The following MYO15B variants were observed in gnomAD, a reference collection of about 807,000 sequenced individuals.
MYO15B encodes myosin XVB.
MYO15B carries 207 observed loss-of-function variants against 119.3 expected under a neutral mutation model. The ratio of observed to expected loss-of-function variants is 1.73; its 90% CI spans 1.55 to 1.95. The LOEUF is 1.95. Ranked by LOEUF, MYO15B falls within the 30% of genes most tolerant of loss-of-function variation. The pLI is 0.00. For missense variants in MYO15B, 2,264 were observed against 1,203.1 expected (o/e 1.88, Z -13.04); for synonymous variants, 966 against 498.9 (o/e 1.94, Z -12.48).
chr17:75,611,611 G>A (rs1452942646), exon 24 of MYO15B: 18 of 702,650 alleles, frequency 2.6e-5, no homozygotes, highest in East Asian at 8.0e-5. Context: ...GAGCTGGGGC[G>A]CTTGGAGATC....
chr17:75,609,054 C>T lies in MYO15B; in HGVS notation c.4293-1112C>T, dbSNP rs550295858. On this transcript the variant is annotated intron_variant, in intron 21 of 63. Coordinates refer to ENST00000645453, the Ensembl canonical transcript of MYO15B. ...GCCTTTTTTGTATTTTTAGTAGAGA[C>T]GGGGATTCACCGTGTTGGCCAGGCT... is the stretch of plus-strand genomic sequence containing the variant. Among the ~76,000 whole-genome samples, 28 of 151,996 alleles carry T rather than the reference C, an allele frequency of 1.8e-4. 1 individual carries two copies. The highest frequency in any genetic ancestry group is 6.5e-4 in the African/African-American group (27 of 41,460).
exon 21 of MYO15B, chr17:75,605,940 T>A (rs1250264036): frequency 1.4e-6 from 1 of 702,684 alleles, no homozygotes; most frequent in African/African-American, 1.7e-5. Flanking sequence ...CTGGTCGACC[T>A]GCACCGCAGC....
exon 45 of MYO15B, chr17:75,619,476 G>A (rs770855735): frequency 1.0e-5 from 7 of 701,978 alleles, no homozygotes; most frequent in Admixed American, 4.0e-5. Flanking sequence ...TTCCTGTCTC[G>A]GTCAGTGGCG....
At chr17:75,613,448 C>T (rs1026772414) in exon 28 of MYO15B, 8 of 682,702 alleles carry the variant, frequency 1.2e-5, no homozygotes, top group East Asian at 5.4e-5. Flanking sequence ...GGCCGCATGG[C>T]GCTGGATGTG....
At position 75,624,295 on chromosome 17, in the gene MYO15B, G is replaced by A. The variant is rs755384043; in HGVS notation, c.8367+26G>A. 1.3e-5 allele frequency: 9 copies of A among 702,948 alleles called. No homozygotes were observed. The South Asian group carries it at 1.3e-4, about 10-fold the overall frequency. The allele number at this position is 702,948 out of a possible 1,614,324, so 43.5% of individuals were successfully genotyped here. A position where few individuals can be genotyped will look rare whatever the true frequency, so the allele number is the denominator to read the frequency against. On this transcript the variant is annotated intron_variant, in intron 56 of 63. Transcript: ENST00000645453. ...GTACTGGGGGTGGCGGATGGGCATT[G>A]TGGGACACCCTGGGGTGGGGAGTGT...
At chr17:75,605,818 G>C in intron 20 of MYO15B, 46 bp from the exon 21 acceptor site, 1 of 653,542 alleles carries the variant, frequency 1.5e-6, no homozygotes, top group Non-Finnish European at 2.8e-6. Context: ...AGAGCAGGAG[G>C]GGCTGGCTCC....
At chr17:75,611,293 C>T (rs2058012839) in intron 23 of MYO15B, among the ~76,000 whole-genome samples, 1 of 151,916 alleles carries the variant, frequency 6.6e-6, no homozygotes, top group African/African-American at 2.4e-5. Context: ...AAGACCCCAT[C>T]TCTACAAAAA....
intron 14 of MYO15B, among the ~76,000 whole-genome samples, chr17:75,598,108 A>G (rs755692774): frequency 2.0e-5 from 3 of 151,210 alleles, no homozygotes; most frequent in Non-Finnish European, 4.4e-5. Context: ...ATATGGGGCA[A>G]CCCTCCCCCA....
exon 49 of MYO15B, chr17:75,620,583 G>A (rs555929950): frequency 1.3e-4 from 94 of 702,884 alleles, no homozygotes; most frequent in Non-Finnish European, 7.8e-6. Flanking sequence ...CTGGCACAAG[G>A]GTCAGCTGTC....
rs955016028 is a variant in MYO15B, at chr17:75,610,907, GT to G, written c.4396del (p.Trp1466GlyfsTer32). The G allele has an allele frequency of 1.4e-6, 1 of 702,980 alleles. No individual in the cohort carries two copies. The highest frequency in any genetic ancestry group is 2.0e-5 in the Admixed American group (1 of 50,002). 43.5% of individuals were successfully genotyped at this position (702,980 alleles called of 1,614,324 possible). On this transcript the variant is annotated frameshift_variant, in exon 23 of 64. Transcript: ENST00000645453. LOFTEE classifies it high-confidence loss of function. Reference sequence around the variant, plus strand: ...CCACATCTCTTCCAACAGCTTGGGCGTTGGCAGGGCTGGCATAGCAGCGAAA... The same window carrying G: ...CCACATCTCTTCCAACAGCTTGGGCGTGGCAGGGCTGGCATAGCAGCGAAA...
At chr17:75,623,631 T>G in intron 53 of MYO15B, 150 bp from the exon 54 acceptor site, 1 of 616,298 alleles carries the variant, frequency 1.6e-6, no homozygotes, top group Non-Finnish European at 2.9e-6. Context: ...GCGAAGAAAG[T>G]AACTGAGTAG....
intron 15 of MYO15B, among the ~76,000 whole-genome samples, chr17:75,602,148 C>A (rs1222408083): frequency 6.6e-6 from 1 of 152,180 alleles, no homozygotes; most frequent in Non-Finnish European, 1.5e-5. Context: ...AGAAAAACTA[C>A]AAACTACCCA....
intron 15 of MYO15B, 71 bp from the exon 16 acceptor site, chr17:75,602,446 A>ACTTC: frequency 2.8e-6 from 2 of 702,726 alleles, no homozygotes; most frequent in Admixed American, 4.0e-5. Flanking sequence ...CTCCATATCC[A>ACTTC]GCCTCCCCTC....
intron 19 of MYO15B, 62 bp downstream of exon 19, chr17:75,603,374 C>T: frequency 1.0e-5 from 7 of 689,532 alleles, no homozygotes; most frequent in South Asian, 1.5e-5. Flanking sequence ...CTGGCAGCCC[C>T]GGGGGTCCTT....
Position 75,595,148 on chromosome 17 carries a change from C to T in MYO15B, c.3297+176C>T, listed in dbSNP as rs2056772220. The T allele has an allele frequency of 8.2e-6, 5 of 609,376 alleles. No homozygotes were observed. In the Admixed American group the frequency reaches 8.5e-5, roughly 10 times the overall value. The allele number at this position is 609,376 out of a possible 1,614,324, so 37.7% of individuals were successfully genotyped here. On this transcript the variant is annotated intron_variant, in intron 12 of 63. Coordinates refer to ENST00000645453, the Ensembl canonical transcript of MYO15B. ...GGGCTGAGCCTGCTGGGGTGGGGTG[C>T]AGGGATGGAGAGGTAAAGGAGTGGG... is the stretch of plus-strand genomic sequence containing the variant.
intron 41 of MYO15B, chr17:75,617,547 CACAT>C: frequency 1.7e-6 from 1 of 575,786 alleles, no homozygotes; most frequent in Non-Finnish European, 3.1e-6. Flanking sequence ...TTGTCCCTGA[CACAT>C]ACCCGACAGC....
chr17:75,620,949 C>A (rs1401235983), intron 49 of MYO15B, 82 bp from the exon 50 acceptor site: 1 of 702,650 alleles, frequency 1.4e-6, no homozygotes, highest in East Asian at 2.7e-5. Flanking sequence ...TGGTGTCTGG[C>A]TGGGGAGGGA....
intron 9 of MYO15B, among the ~76,000 whole-genome samples, chr17:75,594,194 A>G (rs2898577): frequency 0.33 from 50,046 of 150,742 alleles, 9,474 homozygotes; most frequent in East Asian, 0.57. Context: ...TTGCAAGACA[A>G]CCCCCTAGGA....
Position 75,612,021 on chromosome 17 carries a change from G to T in MYO15B, c.4635+5G>T. The T allele has an allele frequency of 1.4e-6, 1 of 702,930 alleles. No homozygotes were observed. Among genetic ancestry groups the T allele is most frequent in the Admixed American group, 2.0e-5 (1 of 50,016 alleles). The allele number at this position is 702,930 out of a possible 1,614,324, so 43.5% of individuals were successfully genotyped here. On this transcript the variant is annotated splice_donor_5th_base_variant and intron_variant, in intron 25 of 63. Coordinates refer to ENST00000645453, the Ensembl canonical transcript of MYO15B. ...TTCGTCGCCATCGGCTTTCAGGTGG[G>T]CGCCCAGGCCTAAGCTCTTCCCGCT...
Sources: allele counts gnomAD v4.1 joint callset (sites outside exome capture counted in the v4.1 genomes callset), GRCh38; gene constraint gnomAD v4.1.1; transcripts MANE v1.5; gene names NCBI Gene and HGNC (gene_info 2026-07-23, HGNC 2026-07-21).